SDK1: variants seen among roughly 807,000 people sequenced by gnomAD.
The protein encoded by SDK1 is protein sidekick-1.
Under a neutral mutation model 245.5 loss-of-function variants are expected in SDK1, and 157 were observed. The observed-to-expected ratio is 0.64, with a 90% CI of 0.56 to 0.73. The LOEUF is 0.73. SDK1 is among the 30% of genes least tolerant of loss of function. The pLI is 0.00. For missense variants in SDK1, 3,583 were observed against 3,002.3 expected (o/e 1.19, Z -4.52); for synonymous variants, 1,647 against 1,278.5 (o/e 1.29, Z -6.15).
chr7:3,551,743 A>G (rs60009864), intron 1 of SDK1, among the ~76,000 whole-genome samples: 2,742 of 151,732 alleles, frequency 0.018, 58 homozygotes, highest in African/African-American at 0.055. Context: ...CAGCACGATC[A>G]CGGCTCACCG....
intron 25 of SDK1, among the ~76,000 whole-genome samples, chr7:4,126,577 C>G (rs936997393): frequency 2.0e-5 from 3 of 152,154 alleles, no homozygotes; most frequent in Admixed American, 6.5e-5. Context: ...AAAAATCAGC[C>G]AGGCGTGGTG....
At chr7:3,793,893 C>T (rs1778892698) in intron 4 of SDK1, among the ~76,000 whole-genome samples, 1 of 152,116 alleles carries the variant, frequency 6.6e-6, no homozygotes, top group African/African-American at 2.4e-5. Flanking sequence ...ATGAGGACCT[C>T]ATTGGTGTCC....
chr7:3,797,591 A>C (rs1029728743), intron 4 of SDK1, among the ~76,000 whole-genome samples: 2 of 152,066 alleles, frequency 1.3e-5, no homozygotes, highest in Non-Finnish European at 2.9e-5. Context: ...ATGGAACCCC[A>C]TTTACATAGA....
intron 14 of SDK1, among the ~76,000 whole-genome samples, chr7:4,002,551 GC>G (rs11367632): frequency 0.16 from 23,669 of 152,092 alleles, 1,907 homozygotes; most frequent in Non-Finnish European, 0.19. Context: ...AACAAGAACT[GC>G]AGTATGGACC....
At chr7:3,469,149 C>G (rs1054785282) in intron 1 of SDK1, among the ~76,000 whole-genome samples, 3 of 151,882 alleles carry the variant, frequency 2.0e-5, no homozygotes, top group Admixed American at 6.6e-5. Context: ...TCAGAAATTC[C>G]CCAAAGGACA....
At chr7:3,570,365 T>A (rs1393694015) in intron 1 of SDK1, among the ~76,000 whole-genome samples, 1 of 152,140 alleles carries the variant, frequency 6.6e-6, no homozygotes, top group Non-Finnish European at 1.5e-5. Flanking sequence ...AAACGCCGCC[T>A]CTGACCTGAC....
intron 1 of SDK1, among the ~76,000 whole-genome samples, chr7:3,355,380 A>T (rs1346456658): frequency 4.6e-5 from 7 of 152,156 alleles, no homozygotes; most frequent in Non-Finnish European, 1.0e-4. Flanking sequence ...CAATGGTGCG[A>T]TCGTAGCTCG....
chr7:4,243,383 C>T (rs1786647580), intron 43 of SDK1, among the ~76,000 whole-genome samples: 1 of 152,190 alleles, frequency 6.6e-6, no homozygotes, highest in Non-Finnish European at 1.5e-5. Context: ...AATAAGCCAT[C>T]ACCTTTTCAG....
chr7:3,357,647 C>T (rs2128559822), intron 1 of SDK1, among the ~76,000 whole-genome samples: 1 of 152,026 alleles, frequency 6.6e-6, no homozygotes, highest in African/African-American at 2.4e-5. Context: ...ACGCCCAGCC[C>T]ACTCCCCTTC....
intron 4 of SDK1, among the ~76,000 whole-genome samples, chr7:3,785,817 G>C (rs1780884005): frequency 6.6e-6 from 1 of 152,170 alleles, no homozygotes; most frequent in Admixed American, 6.5e-5. Context: ...TGCAGATCTT[G>C]GTTGAGAGTT....
At chr7:3,437,941 T>C (rs1317420816) in intron 1 of SDK1, among the ~76,000 whole-genome samples, 1 of 152,206 alleles carries the variant, frequency 6.6e-6, no homozygotes, top group Non-Finnish European at 1.5e-5. Flanking sequence ...CCCCCTACGT[T>C]TGTGTATGAG....
intron 4 of SDK1, among the ~76,000 whole-genome samples, chr7:3,687,083 A>ACC (rs1276579728): frequency 6.6e-6 from 1 of 151,274 alleles, no homozygotes; most frequent in Non-Finnish European, 1.5e-5. Context: ...ACACACACAC[A>ACC]CACACACACA....
intron 1 of SDK1, among the ~76,000 whole-genome samples, chr7:3,424,906 A>G (rs183064356): frequency 5.3e-4 from 81 of 152,258 alleles, no homozygotes; most frequent in African/African-American, 1.9e-3. Context: ...CAAAAAACAA[A>G]TATTTTTCAT....
At chr7:4,198,518 A>G (rs1220242343) in intron 35 of SDK1, among the ~76,000 whole-genome samples, 1 of 152,182 alleles carries the variant, frequency 6.6e-6, no homozygotes, top group Non-Finnish European at 1.5e-5. Flanking sequence ...AGCCTAGCCC[A>G]TTACCTGTTC....
At chr7:3,986,408 C>CT (rs928703971) in intron 13 of SDK1, among the ~76,000 whole-genome samples, 4 of 152,126 alleles carry the variant, frequency 2.6e-5, no homozygotes, top group African/African-American at 9.7e-5. Context: ...ACTGTGTGGT[C>CT]TAAGAATACA....
chr7:4,079,695 G>C, intron 22 of SDK1, 111 bp downstream of exon 22: 2 of 1,457,734 alleles, frequency 1.4e-6, no homozygotes, highest in East Asian at 4.6e-5. Context: ...AGATGGGTGT[G>C]CTTGGAGAGG....
chr7:3,912,977 G>C (rs1779230898), intron 5 of SDK1, among the ~76,000 whole-genome samples: 1 of 152,256 alleles, frequency 6.6e-6, no homozygotes, highest in African/African-American at 2.4e-5. Flanking sequence ...AGGCAAGCAA[G>C]ATGTGGATCA....
intron 4 of SDK1, among the ~76,000 whole-genome samples, chr7:3,757,454 C>T (rs139050887): frequency 6.6e-6 from 1 of 152,020 alleles, no homozygotes; most frequent in African/African-American, 2.4e-5. Context: ...CTAGGCTGGT[C>T]TCAAACTCCT....
At chr7:3,487,507 CAAGGTA>C (rs996857125) in intron 1 of SDK1, among the ~76,000 whole-genome samples, 3 of 151,844 alleles carry the variant, frequency 2.0e-5, no homozygotes, top group Non-Finnish European at 2.9e-5. Context: ...TTTAGGAGGC[CAAGGTA>C]AACAGATCAC....
Sources: gnomAD v4.1 joint callset for allele counts (sites outside exome capture counted in the v4.1 genomes callset) on GRCh38, gnomAD v4.1.1 for gene constraint, MANE v1.5 for transcripts, NCBI Gene and HGNC (gene_info 2026-07-23, HGNC 2026-07-21) for gene names.